Variants in AKAP13 observed in about 807,000 individuals in gnomAD.
AKAP13 encodes the protein A-kinase anchoring protein 13, also known as A-kinase anchor protein 13.
A neutral mutation model predicts 264.5 loss-of-function variants in AKAP13; 80 were observed. The observed-to-expected ratio is 0.30, with a 90% CI of 0.25 to 0.36. AKAP13 has a LOEUF of 0.36. Among genes scored for constraint, AKAP13 ranks in the 10% least tolerant of loss-of-function variants. The pLI is 1.00. For synonymous variants in AKAP13, 1,380 were observed against 1,250.2 expected, an observed-to-expected ratio of 1.10 and a Z score of -2.19; for missense variants, 3,712 against 3,435.2, an observed-to-expected ratio of 1.08 and a Z score of -2.01.
Position 85,664,553 on chromosome 15 carries a change from C to T in AKAP13, c.4800-10C>T, listed in dbSNP as rs774024876. ...AATAGAATGAATTAACTTTTGTGCC[C>T]TATGTTCAGTTTCAGTCTAGAAGGC... On this transcript the variant is annotated splice_polypyrimidine_tract_variant and intron_variant, in intron 12 of 36. Transcript: ENST00000394518. The T allele has an allele frequency of 1.3e-6, 2 of 1,596,188 alleles. No homozygotes were observed. The highest frequency in any genetic ancestry group is 1.3e-5 in the African/African-American group (1 of 74,372).
intron 2 of AKAP13, among the ~76,000 whole-genome samples, chr15:85,518,964 G>A (rs150126109): frequency 6.6e-5 from 10 of 152,320 alleles, no homozygotes; most frequent in Non-Finnish European, 1.0e-4. Context: ...CCAAAGGAAG[G>A]CCCAGACTTC....
At chr15:85,524,234 A>G (rs760274658) in intron 3 of AKAP13, among the ~76,000 whole-genome samples, 44 of 127,480 alleles carry the variant, frequency 3.5e-4, no homozygotes, top group Non-Finnish European at 5.8e-4. Context: ...CTGGAATGCA[A>G]TGGCACGATC....
intron 14 of AKAP13, among the ~76,000 whole-genome samples, chr15:85,676,541 A>G (rs1237043236): frequency 1.3e-5 from 2 of 152,218 alleles, no homozygotes; most frequent in African/African-American, 4.8e-5. Flanking sequence ...GCCTAGATCT[A>G]AACAGAGATC....
At chr15:85,681,476 G>A (rs1043312323) in intron 14 of AKAP13, among the ~76,000 whole-genome samples, 1 of 151,966 alleles carries the variant, frequency 6.6e-6, no homozygotes, top group Admixed American at 6.6e-5. Context: ...TTAATGACCT[G>A]CGGCAGTTTA....
intron 35 of AKAP13, among the ~76,000 whole-genome samples, chr15:85,741,805 G>A (rs1218051978): frequency 6.6e-6 from 1 of 152,022 alleles, no homozygotes; most frequent in East Asian, 1.9e-4. Context: ...AGCACCTTGG[G>A]AGGCCGAGGC....
intron 5 of AKAP13, among the ~76,000 whole-genome samples, chr15:85,570,099 CT>C (rs1183793043): frequency 7.0e-6 from 1 of 142,444 alleles, no homozygotes; most frequent in Non-Finnish European, 1.5e-5. Flanking sequence ...AAAAAAACCA[CT>C]GGATTTTGAT....
chr15:85,432,166 T>C lies in AKAP13; in HGVS notation c.-12+51368T>C, dbSNP rs368940688. Among the ~76,000 whole-genome samples the C allele has an allele frequency of 1.4e-4, 22 of 152,310 alleles. No homozygotes were observed. In the East Asian group the frequency reaches 3.7e-3, roughly 25 times the overall value. ...AAAATAGCTTTCTCTTTTAGCTATT[T>C]CAACTCAATTCTAACCTCATTCCTA... is the stretch of plus-strand genomic sequence containing the variant. On this transcript the variant is annotated intron_variant, in intron 1 of 36. Coordinates refer to ENST00000394518, the MANE Select transcript of AKAP13 (RefSeq NM_007200.5).
At chr15:85,716,001 G>GA in intron 20 of AKAP13, 78 bp downstream of exon 20, 1 of 1,290,808 alleles carries the variant, frequency 7.7e-7, no homozygotes. Context: ...ATGACAAAAA[G>GA]CTTTTTTTTT....
chr15:85,427,992 CT>C (rs573262998), intron 1 of AKAP13, among the ~76,000 whole-genome samples: 39 of 152,190 alleles, frequency 2.6e-4, no homozygotes, highest in Non-Finnish European at 5.3e-4. Flanking sequence ...TACTGTCCAA[CT>C]TACACTCCTG....
Position 85,740,204 on chromosome 15 carries a change from A to G in AKAP13, c.7558-18A>G, listed in dbSNP as rs200663525. 2 of 1,614,096 alleles carry G rather than the reference A, an allele frequency of 1.2e-6. No individual in the cohort carries two copies. Among genetic ancestry groups the G allele is most frequent in the East Asian group, 2.2e-5 (1 of 44,882 alleles). ...ATAAAGCCCTGAAACGAATGTTTCC[A>G]TTTTGTTCCTTTGGCAGCAGGTTGT... On this transcript the variant is annotated intron_variant, in intron 33 of 36. Coordinates refer to ENST00000394518, the MANE Select transcript of AKAP13 (RefSeq NM_007200.5).
chr15:85,390,291 T>C lies in AKAP13; in HGVS notation c.-12+9493T>C, dbSNP rs1484670392. On this transcript the variant is annotated intron_variant, in intron 1 of 36. Transcript: ENST00000394518. Reference sequence around the variant, plus strand: ...ATTCTAGGAAGGATATGAAGAGTATTAGCAGAGATTGGGGAGGTCAGACAA... The same window carrying C: ...ATTCTAGGAAGGATATGAAGAGTATCAGCAGAGATTGGGGAGGTCAGACAA... Among the ~76,000 whole-genome samples, 6 of 152,168 alleles carry C rather than the reference T, an allele frequency of 3.9e-5. No homozygotes were observed. In the East Asian group the frequency reaches 1.2e-3, roughly 29 times the overall value.
chr15:85,739,192 C>T (rs980402888), intron 33 of AKAP13, among the ~76,000 whole-genome samples: 10 of 152,172 alleles, frequency 6.6e-5, no homozygotes, highest in African/African-American at 2.4e-4. Flanking sequence ...GATTATTTCC[C>T]GAGTATGCCA....
At chr15:85,604,951 C>G (rs1459583377) in intron 8 of AKAP13, among the ~76,000 whole-genome samples, 1 of 152,118 alleles carries the variant, frequency 6.6e-6, no homozygotes. Flanking sequence ...ATAGGGCAGT[C>G]AGAAGAGAGA....
intron 7 of AKAP13, among the ~76,000 whole-genome samples, chr15:85,583,618 C>T (rs2079213145): frequency 6.6e-6 from 1 of 152,178 alleles, no homozygotes; most frequent in African/African-American, 2.4e-5. Flanking sequence ...ATGTTCTTTT[C>T]ATTTCGGTGC....
intron 1 of AKAP13, among the ~76,000 whole-genome samples, chr15:85,436,197 A>G (rs369604494): frequency 1.3e-5 from 1 of 77,234 alleles, no homozygotes; most frequent in Non-Finnish European, 2.6e-5. Flanking sequence ...CTTTAAACCA[A>G]CAAAGATCAA....
Position 85,718,393 on chromosome 15 carries a change from TA to T in AKAP13, c.6001+235del, listed in dbSNP as rs2087082533. The stretch of plus-strand genomic sequence containing the variant: ...TTGTACTTATATGTGAGTACTTATT[TA>T]TACAGCAGTCCTAGAAAGAGATATC... On this transcript the variant is annotated intron_variant, in intron 22 of 36. Coordinates refer to ENST00000394518, the MANE Select transcript of AKAP13 (RefSeq NM_007200.5). This position sits in a 1 kb window ranked among gnomAD's most constrained non-coding sequence, Gnocchi z 4.9. 6.6e-6 allele frequency among the ~76,000 whole-genome samples: 1 copy of T among 152,232 alleles called. No homozygotes were observed. Among genetic ancestry groups the T allele is most frequent in the African/African-American group, 2.4e-5 (1 of 41,458 alleles).
At chr15:85,582,773 C>T in intron 7 of AKAP13, 1 of 648,388 alleles carries the variant, frequency 1.5e-6, no homozygotes, top group Non-Finnish European at 1.9e-6. Context: ...GGGCAGCAGT[C>T]TGAGAATTCA....
chr15:85,604,009 T>A (rs1158170500), intron 8 of AKAP13, among the ~76,000 whole-genome samples: 3 of 152,170 alleles, frequency 2.0e-5, no homozygotes, highest in African/African-American at 7.2e-5. Context: ...ACATTTATAA[T>A]GTCTGATGTG....
chr15:85,710,899 G>A (rs2086599719), intron 19 of AKAP13, among the ~76,000 whole-genome samples: 1 of 152,156 alleles, frequency 6.6e-6, no homozygotes, highest in East Asian at 1.9e-4. Context: ...GTGTGTTTAA[G>A]CAAGTGACCC....
Sources: allele counts gnomAD v4.1 joint callset (sites outside exome capture counted in the v4.1 genomes callset), GRCh38; gene constraint gnomAD v4.1.1; non-coding constraint Gnocchi (gnomAD v3.1); transcripts MANE v1.5; gene names NCBI Gene and HGNC (gene_info 2026-07-23, HGNC 2026-07-21).